The following LHFPL3 variants were observed in gnomAD, a reference collection of about 807,000 sequenced individuals.
The protein encoded by LHFPL3 is LHFPL tetraspan subfamily member 3.
A neutral mutation model predicts 19.3 loss-of-function variants in LHFPL3; 5 were observed. The ratio of observed to expected loss-of-function variants is 0.26; its 90% CI spans 0.14 to 0.54. The LOEUF is 0.54. Ranked by LOEUF, LHFPL3 falls within the 20% of genes least tolerant of loss-of-function variation. LHFPL3 has a pLI of 0.94. For missense variants in LHFPL3, 249 were observed against 307.4 expected (o/e 0.81, Z 1.42); for synonymous variants, 133 against 126.2 (o/e 1.05, Z -0.36).
intron 1 of LHFPL3, among the ~76,000 whole-genome samples, chr7:104,568,932 A>G (rs1790174911): frequency 6.6e-6 from 1 of 152,214 alleles, no homozygotes; most frequent in South Asian, 2.1e-4. Flanking sequence ...TAAAGCATGT[A>G]TTTAATTATA....
intron 1 of LHFPL3, among the ~76,000 whole-genome samples, chr7:104,484,747 C>T (rs927604227): frequency 2.6e-5 from 4 of 152,140 alleles, no homozygotes; most frequent in African/African-American, 9.7e-5. Flanking sequence ...GCTGTGTCAT[C>T]CCATGAGGGG....
intron 1 of LHFPL3, among the ~76,000 whole-genome samples, chr7:104,330,598 A>T (rs952497632): frequency 6.6e-6 from 1 of 152,116 alleles, no homozygotes. Context: ...GGCTCGCCTG[A>T]TATTGATTTG....
chr7:104,368,646 C>T (rs1790543868), intron 1 of LHFPL3, among the ~76,000 whole-genome samples: 1 of 107,930 alleles, frequency 9.3e-6, no homozygotes, highest in Non-Finnish European at 1.8e-5. Flanking sequence ...GGTGTGCACA[C>T]ATGTACGTGT....
intron 2 of LHFPL3, among the ~76,000 whole-genome samples, chr7:104,857,186 C>T (rs1306357725): frequency 2.0e-5 from 3 of 152,154 alleles, no homozygotes; most frequent in Non-Finnish European, 2.9e-5. Flanking sequence ...GCAGCAAGGA[C>T]GCACTGCCAG....
intron 1 of LHFPL3, among the ~76,000 whole-genome samples, chr7:104,421,672 G>A (rs934353864): frequency 3.9e-5 from 6 of 152,102 alleles, no homozygotes; most frequent in African/African-American, 7.2e-5. Context: ...ATAGATCTCC[G>A]CAGAAACAAT....
intron 1 of LHFPL3, among the ~76,000 whole-genome samples, chr7:104,431,585 C>G (rs1025866848): frequency 3.3e-5 from 5 of 152,134 alleles, no homozygotes; most frequent in Non-Finnish European, 7.4e-5. Flanking sequence ...AGTACTTTCT[C>G]TAAAAATGCT....
intron 1 of LHFPL3, among the ~76,000 whole-genome samples, chr7:104,508,609 TAA>T (rs66573135): frequency 0.013 from 1,549 of 117,616 alleles, 10 homozygotes; most frequent in African/African-American, 0.017. Context: ...TAAAGTATAA[TAA>T]AAAAAAATAT....
chr7:104,364,996 G>A (rs1790456824), intron 1 of LHFPL3, among the ~76,000 whole-genome samples: 1 of 152,116 alleles, frequency 6.6e-6, no homozygotes, highest in African/African-American at 2.4e-5. Flanking sequence ...ACCATTTAAA[G>A]GTTGTGAAAG....
chr7:104,674,627 A>G (rs1416219107), intron 1 of LHFPL3, among the ~76,000 whole-genome samples: 1 of 152,132 alleles, frequency 6.6e-6, no homozygotes, highest in East Asian at 1.9e-4. Flanking sequence ...TCGGCCTCCC[A>G]AAGTGCTGGG....
At chr7:104,351,240 C>T (rs1339028598) in intron 1 of LHFPL3, among the ~76,000 whole-genome samples, 1 of 152,240 alleles carries the variant, frequency 6.6e-6, no homozygotes, top group Non-Finnish European at 1.5e-5. Flanking sequence ...CCCTTCTCTT[C>T]CAGATCATCA....
rs1791886974 is a variant in LHFPL3 at position 104,428,299 on chromosome 7, A to C, written c.445+99075A>C. On this transcript the variant is annotated intron_variant, in intron 1 of 2. Coordinates refer to ENST00000424859, the MANE Select transcript of LHFPL3 (RefSeq NM_199000.3). ...ATGAAAACAGGGCCCTAAAATACTTATTAATTAAATTGTGTCATGCATATC... is the reference window on the plus strand; with the variant it reads ...ATGAAAACAGGGCCCTAAAATACTTCTTAATTAAATTGTGTCATGCATATC... Among the ~76,000 whole-genome samples the C allele has an allele frequency of 2.6e-5, 4 of 152,178 alleles. No homozygotes were observed. The South Asian group carries it at 8.3e-4, about 32-fold the overall frequency.
rs954465922 is a variant in LHFPL3 at position 104,347,027 on chromosome 7, T to C, written c.445+17803T>C. On this transcript the variant is annotated intron_variant, in intron 1 of 2. Coordinates refer to ENST00000424859, the MANE Select transcript of LHFPL3 (RefSeq NM_199000.3). The stretch of plus-strand genomic sequence containing the variant: ...GACCTTGGACCAGTTCCTTAGCCTA[T>C]CTGTGCCTCAGTTTCCTCATCTGTA... Among the ~76,000 whole-genome samples the C allele has an allele frequency of 3.9e-5, 5 of 127,976 alleles. No homozygotes were observed. In the East Asian group the frequency reaches 1.4e-3, roughly 35 times the overall value. The allele number at this position is 127,976 out of a possible 152,430, so 84.0% of individuals were successfully genotyped here.
chr7:104,866,935 C>G (rs1361706441), intron 2 of LHFPL3, among the ~76,000 whole-genome samples: 5 of 152,172 alleles, frequency 3.3e-5, no homozygotes, highest in Non-Finnish European at 7.4e-5. Flanking sequence ...CTCAAAACTG[C>G]TCAACTACAT....
chr7:104,490,374 C>T (rs1185131518), intron 1 of LHFPL3, among the ~76,000 whole-genome samples: 6 of 152,144 alleles, frequency 3.9e-5, no homozygotes, highest in African/African-American at 1.4e-4. Flanking sequence ...CTATCTCTTC[C>T]TAATGCAGCT....
intron 2 of LHFPL3, among the ~76,000 whole-genome samples, chr7:104,783,271 C>T (rs1789848829): frequency 6.6e-6 from 1 of 152,212 alleles, no homozygotes; most frequent in South Asian, 2.1e-4. Flanking sequence ...ATAGGGACTG[C>T]TCCTGTGTGT....
intron 1 of LHFPL3, among the ~76,000 whole-genome samples, chr7:104,368,652 CGTGTGTGTGT>C (rs67849394): frequency 6.0e-5 from 9 of 150,098 alleles, no homozygotes; most frequent in South Asian, 2.1e-4. Flanking sequence ...CACACATGTA[CGTGTGTGTGT>C]GTGTGTGTGT....
In LHFPL3 at chr7:104,489,755, A is replaced by G. The variant is rs761464764; in HGVS notation, c.445+160531A>G. 1.7e-4 allele frequency among the ~76,000 whole-genome samples: 26 copies of G among 152,218 alleles called. No individual in the cohort carries two copies. The South Asian group carries it at 5.2e-3, about 30-fold the overall frequency. On this transcript the variant is annotated intron_variant, in intron 1 of 2. Coordinates refer to ENST00000424859, the MANE Select transcript of LHFPL3 (RefSeq NM_199000.3). The stretch of plus-strand genomic sequence containing the variant: ...AAAACCGTACATGGATGATATCCAT[A>G]ACATGACCATAACCTCCCAAATTTA...
intron 1 of LHFPL3, among the ~76,000 whole-genome samples, chr7:104,652,307 G>A (rs1164422285): frequency 6.6e-6 from 1 of 152,218 alleles, no homozygotes; most frequent in Admixed American, 6.5e-5. Context: ...AGCATTGAAG[G>A]GCCAGTGGGG....
chr7:104,806,869 CAT>C (rs1160710274), intron 2 of LHFPL3, among the ~76,000 whole-genome samples: 2 of 152,120 alleles, frequency 1.3e-5, no homozygotes, highest in African/African-American at 4.8e-5. Flanking sequence ...TCATTTTACT[CAT>C]AATACCTTTC....
Sources: allele counts gnomAD v4.1 joint callset (sites outside exome capture counted in the v4.1 genomes callset), GRCh38; gene constraint gnomAD v4.1.1; transcripts MANE v1.5; gene names NCBI Gene and HGNC (gene_info 2026-07-23, HGNC 2026-07-21).